ZNF521: variants seen among roughly 807,000 people sequenced by gnomAD.
ZNF521 encodes the protein zinc finger protein 521.
A neutral mutation model predicts 105.5 loss-of-function variants in ZNF521; 14 were observed. The ratio of observed to expected loss-of-function variants is 0.13; its 90% confidence interval spans 0.09 to 0.21. ZNF521 has a LOEUF of 0.21. Among genes scored for constraint, ZNF521 ranks in the 10% least tolerant of loss-of-function variants. The probability of loss-of-function intolerance (pLI) is 1.00; values close to 1 mark genes in which losing one functional copy is unlikely to be tolerated. For missense variants in ZNF521, 1,233 were observed against 1,629.7 expected, an observed-to-expected ratio of 0.76 and a Z score of 4.19; for synonymous variants, 635 against 606.0, an observed-to-expected ratio of 1.05 and a Z score of -0.70.
chr18:25,249,261 T>C (rs952526032), intron 3 of ZNF521, among the ~76,000 whole-genome samples: 11 of 151,784 alleles, frequency 7.2e-5, no homozygotes, highest in African/African-American at 2.4e-4. Context: ...GTTCATGCCA[T>C]TCTCCTGCCT....
At position 25,227,704 on chromosome 18, in the gene ZNF521, C is replaced by T. The variant is rs575846031; in HGVS notation, c.221-7G>A. ...TCTTCAACATCCACTCCATCTGCAA[C>T]AAGAAGCAATGACAAATTTCATCTG... On this transcript the variant is annotated splice_region_variant and splice_polypyrimidine_tract_variant and intron_variant, in intron 3 of 7. Coordinates refer to ENST00000361524, the MANE Select transcript of ZNF521 (RefSeq NM_015461.3). The surrounding 1 kb of genome is among the most constrained non-coding windows in gnomAD (Gnocchi z 5.7). The T allele has an allele frequency of 3.1e-6, 5 of 1,602,498 alleles. No individual in the cohort carries two copies. In the East Asian group the frequency reaches 1.1e-4, roughly 36 times the overall value.
rs562861927 is a variant in ZNF521 at position 25,214,306 on chromosome 18, G to A, written c.3573+10039C>T. 2.8e-4 allele frequency among the ~76,000 whole-genome samples: 43 copies of A among 152,038 alleles called. 1 individual carries two copies. Among genetic ancestry groups the A allele is most frequent in the Non-Finnish European group, 4.6e-4 (31 of 67,954 alleles). ...CTCCTATTAGCTTTTTAACTTCTGC[G>A]AGTACAAAGTAAGGCTCCCCTTTTC... is the stretch of plus-strand genomic sequence containing the variant. On this transcript the variant is annotated intron_variant, in intron 4 of 7. Coordinates refer to ENST00000361524, the MANE Select transcript of ZNF521 (RefSeq NM_015461.3).
intron 7 of ZNF521, chr18:25,082,505 A>G: frequency 1.1e-5 from 5 of 436,662 alleles, no homozygotes; most frequent in South Asian, 8.3e-5. Context: ...GCAAGACATA[A>G]CAGGGTTTTG....
intron 5 of ZNF521, among the ~76,000 whole-genome samples, chr18:25,132,644 T>C (rs992865218): frequency 1.2e-4 from 19 of 152,276 alleles, no homozygotes; most frequent in African/African-American, 4.3e-4. Context: ...TTTTAAAAAG[T>C]AGCTAATATT....
At position 25,349,595 on chromosome 18, in the gene ZNF521, G is replaced by A. The variant is rs568432173; in HGVS notation, c.40+1312C>T. ...TCATCGAGTTCAAAAATGCACAGCG[G>A]CCGGGGGCCGGGAGGCGTGGGGCGC... On this transcript the variant is annotated intron_variant, in intron 2 of 7. Coordinates refer to ENST00000361524, the MANE Select transcript of ZNF521 (RefSeq NM_015461.3). 1.3e-3 allele frequency among the ~76,000 whole-genome samples: 198 copies of A among 152,228 alleles called. 1 individual carries two copies. The highest frequency in any genetic ancestry group is 2.2e-3 in the Non-Finnish European group (148 of 67,978).
chr18:25,250,520 T>A (rs1394494889), intron 3 of ZNF521, among the ~76,000 whole-genome samples: 2 of 152,234 alleles, frequency 1.3e-5, no homozygotes, highest in African/African-American at 2.4e-5. Context: ...GCAATATGCA[T>A]GAATTTCTGC....
At chr18:25,165,465 C>A (rs1221238144) in intron 5 of ZNF521, among the ~76,000 whole-genome samples, 1 of 152,222 alleles carries the variant, frequency 6.6e-6, no homozygotes. Flanking sequence ...CCCCGGTAGA[C>A]TGTCAAAGTT....
intron 3 of ZNF521, among the ~76,000 whole-genome samples, chr18:25,249,147 C>CTTTTTTTTTTTTT (rs747508227): frequency 6.9e-6 from 1 of 144,070 alleles, no homozygotes. Context: ...TCTTTACTTT[C>CTTTTTTTTTTTTT]TTTTTTTTTT....
intron 7 of ZNF521, among the ~76,000 whole-genome samples, chr18:25,067,374 A>G (rs1364617144): frequency 2.6e-5 from 4 of 152,182 alleles, no homozygotes; most frequent in African/African-American, 9.7e-5. Flanking sequence ...AAGCTAAAAA[A>G]CAGACGAGGG....
At chr18:25,101,209 G>A (rs1282965253) in intron 5 of ZNF521, among the ~76,000 whole-genome samples, 1 of 152,092 alleles carries the variant, frequency 6.6e-6, no homozygotes, top group African/African-American at 2.4e-5. Flanking sequence ...TTAGAACTGT[G>A]TGGGTCCACT....
chr18:25,283,178 T>C (rs1481575786), intron 3 of ZNF521, among the ~76,000 whole-genome samples: 1 of 152,220 alleles, frequency 6.6e-6, no homozygotes. Context: ...CCACTCACTA[T>C]CTTTTTTCTC....
At chr18:25,328,007 G>C (rs993633005) in intron 2 of ZNF521, among the ~76,000 whole-genome samples, 1 of 152,188 alleles carries the variant, frequency 6.6e-6, no homozygotes, top group Non-Finnish European at 1.5e-5. Context: ...CCAGTCCAAA[G>C]AGCTCTGTGG....
chr18:25,187,163 A>G (rs1445220969), intron 5 of ZNF521, among the ~76,000 whole-genome samples: 1 of 152,138 alleles, frequency 6.6e-6, no homozygotes, highest in Non-Finnish European at 1.5e-5. Context: ...ATTTCTAAGC[A>G]CATTATTTTC....
intron 5 of ZNF521, among the ~76,000 whole-genome samples, chr18:25,113,759 CGG>C: frequency 8.3e-6 from 1 of 120,248 alleles, no homozygotes; most frequent in Non-Finnish European, 1.8e-5. Flanking sequence ...GAAGGACGGA[CGG>C]ACACACACAC....
At chr18:25,124,568 C>G (rs1236327846) in intron 5 of ZNF521, among the ~76,000 whole-genome samples, 1 of 152,122 alleles carries the variant, frequency 6.6e-6, no homozygotes, top group Non-Finnish European at 1.5e-5. Context: ...CTGAACATTT[C>G]CCCCTTTTCT....
intron 3 of ZNF521, chr18:25,315,835 A>C (rs955891821): frequency 6.6e-6 from 1 of 152,266 alleles, no homozygotes; most frequent in African/African-American, 2.4e-5. Flanking sequence ...GTTACCAAGA[A>C]AACCCTCAGT....
chr18:25,149,789 T>C (rs984756963), intron 5 of ZNF521, among the ~76,000 whole-genome samples: 2 of 152,204 alleles, frequency 1.3e-5, no homozygotes, highest in Admixed American at 6.5e-5. Flanking sequence ...TGGGTGCTCA[T>C]AGAGTCCATA....
In ZNF521 at chr18:25,224,394, G is replaced by A. The variant is rs190029761; in HGVS notation, c.3524C>T (p.Thr1175Met). ...VPDSNSTQLKTPQVSPMPRIS... is the reference protein window; with the variant it reads ...VPDSNSTQLKMPQVSPMPRIS... ...TCTGGGCATTGGTGATACTTGGGGC[G>A]TTTTCAACTGTGTGCTGTTGCTGTC... The change falls in exon 4 of 8, where the codon ACG becomes ATG. Residue 1175 changes from threonine to methionine, a missense_variant. Thr to Met is a moderately conservative substitution (Grantham distance 81). Coordinates refer to ENST00000361524, the MANE Select transcript of ZNF521 (RefSeq NM_015461.3). 115 of 1,613,890 alleles carry A rather than the reference G, an allele frequency of 7.1e-5. No individual in the cohort carries two copies. The highest frequency in any genetic ancestry group is 9.2e-5 in the Non-Finnish European group (109 of 1,179,978).
chr18:25,177,509 G>A (rs140537909), intron 5 of ZNF521, among the ~76,000 whole-genome samples: 11 of 151,178 alleles, frequency 7.3e-5, no homozygotes, highest in African/African-American at 2.4e-4. Flanking sequence ...ATCTACACCC[G>A]TTCTGACTTA....
Sources: gnomAD v4.1 joint callset for allele counts (sites outside exome capture counted in the v4.1 genomes callset) on GRCh38, gnomAD v4.1.1 for gene constraint, Gnocchi (gnomAD v3.1) non-coding constraint, MANE v1.5 for transcripts, NCBI Gene and HGNC (gene_info 2026-07-23, HGNC 2026-07-21) for gene names.